Variants in USP47 observed in about 807,000 individuals in gnomAD.
The protein encoded by USP47 is ubiquitin specific peptidase 47, also known as ubiquitin carboxyl-terminal hydrolase 47.
A neutral mutation model predicts 165.1 loss-of-function variants in USP47; 35 were observed. That is an observed-to-expected ratio of 0.21 (90% CI 0.16 to 0.28). The LOEUF (loss-of-function observed/expected upper bound fraction) is 0.28. Among genes scored for constraint, USP47 ranks in the 10% least tolerant of loss-of-function variants. The pLI, the probability that USP47 is intolerant of heterozygous loss-of-function variation, is 1.00. For synonymous variants in USP47, 531 were observed against 544.5 expected (o/e 0.98, Z 0.35); for missense variants, 1,277 against 1,607.4 (o/e 0.79, Z 3.52).
At position 11,899,986 on chromosome 11, in the gene USP47, G is replaced by A. The variant is rs74466915; in HGVS notation, c.593+2293G>A. 5.1e-3 allele frequency among the ~76,000 whole-genome samples: 773 copies of A among 152,206 alleles called. 22 individuals carry two copies. In the East Asian group the frequency reaches 0.081, roughly 16 times the overall value. ...AGACTAGCCACAGAGTAGCACTAGCGTAAAAGGATAGACTATCTAGAGAGT... is the reference window on the plus strand; with the variant it reads ...AGACTAGCCACAGAGTAGCACTAGCATAAAAGGATAGACTATCTAGAGAGT... On this transcript the variant is annotated intron_variant, in intron 5 of 27. Transcript: ENST00000527733.
At chr11:11,863,590 T>C (rs1849501467) in intron 1 of USP47, among the ~76,000 whole-genome samples, 1 of 152,180 alleles carries the variant, frequency 6.6e-6, no homozygotes, top group Non-Finnish European at 1.5e-5. Flanking sequence ...CAATTATAAC[T>C]GTTCTTTAAT....
rs920188165 is a variant in USP47 at position 11,961,367 on chromosome 11, A to G, written c.*5192A>G. ...TTATCTAGGTGGGCGCAATTTGATC[A>G]CATGGGTCCCCAGAAGTGGAGAACC... is the stretch of plus-strand genomic sequence containing the variant. On this transcript the variant is annotated 3_prime_UTR_variant, in exon 28 of 28. Coordinates refer to ENST00000527733, the MANE Select transcript of USP47 (RefSeq NM_001282659.2). Among the ~76,000 whole-genome samples, 2 of 152,246 alleles carry G rather than the reference A, an allele frequency of 1.3e-5. No homozygotes were observed. The highest frequency in any genetic ancestry group is 2.9e-5 in the Non-Finnish European group (2 of 68,044).
chr11:11,882,910 A>G (rs1850921305), intron 2 of USP47, among the ~76,000 whole-genome samples: 1 of 152,092 alleles, frequency 6.6e-6, no homozygotes, highest in South Asian at 2.1e-4. Context: ...GTATGTCAGG[A>G]TTACCTGTTT....
At chr11:11,954,753 T>C (rs1190974575) in intron 25 of USP47, 144 bp from the exon 26 acceptor site, 1 of 857,728 alleles carries the variant, frequency 1.2e-6, no homozygotes, top group African/African-American at 1.7e-5. Flanking sequence ...ATTTGCAGGG[T>C]GGCCGCTTTC....
At chr11:11,873,872 T>C (rs2134261588) in intron 1 of USP47, 4 of 1,452,976 alleles carry the variant, frequency 2.8e-6, no homozygotes, top group East Asian at 2.6e-5. Context: ...AGACTGCTGA[T>C]GTAATTGCTT....
chr11:11,842,287 G>A, intron 1 of USP47, 63 bp downstream of exon 1: 3 of 1,523,666 alleles, frequency 2.0e-6, no homozygotes, highest in Non-Finnish European at 2.7e-6. Context: ...CACAGGCCCG[G>A]GCCGGGGTTC....
intron 11 of USP47, among the ~76,000 whole-genome samples, chr11:11,928,773 C>T (rs1181385923): frequency 2.0e-5 from 3 of 151,714 alleles, no homozygotes; most frequent in African/African-American, 7.3e-5. Context: ...TAAATGACCT[C>T]TTTTTTTTAA....
intron 8 of USP47, among the ~76,000 whole-genome samples, chr11:11,917,212 A>G (rs1256471096): frequency 6.6e-6 from 1 of 152,232 alleles, no homozygotes; most frequent in Non-Finnish European, 1.5e-5. Flanking sequence ...TCCTGCCAAC[A>G]GAGTAGCAAT....
chr11:11,877,185 T>C (rs2134282451), intron 1 of USP47, among the ~76,000 whole-genome samples: 1 of 152,162 alleles, frequency 6.6e-6, no homozygotes, highest in African/African-American at 2.4e-5. Context: ...TTATTGGTGG[T>C]ATCTTAAAAT....
In USP47 at chr11:11,880,299, T is replaced by C. The variant is rs906416290; in HGVS notation, c.162T>C (p.Phe54=). 67 of 1,414,692 alleles carry C rather than the reference T, an allele frequency of 4.7e-5. No homozygotes were observed. Among genetic ancestry groups the C allele is most frequent in the Non-Finnish European group, 5.7e-5 (62 of 1,093,550 alleles). The allele number at this position is 1,414,692 out of a possible 1,614,324, so 87.6% of individuals were successfully genotyped here. The part of the protein sequence containing the change: ...LPASTPVRKL[F]EDVANKVGYI... ...CATCTACTCCAGTCAGAAAGCTCTTTGAAGATGTGGCCAACAAAGTAGGCT... is the reference window on the plus strand; with the variant it reads ...CATCTACTCCAGTCAGAAAGCTCTTCGAAGATGTGGCCAACAAAGTAGGCT... The change falls in exon 2 of 28, where the codon TTT becomes TTC. Residue 54 remains phenylalanine, a synonymous_variant. Transcript: ENST00000527733.
intron 8 of USP47, among the ~76,000 whole-genome samples, chr11:11,916,567 T>TA (rs1368829780): frequency 2.6e-5 from 4 of 151,622 alleles, no homozygotes; most frequent in African/African-American, 9.7e-5. Context: ...AAGAATAAAT[T>TA]AAAAAATGCT....
chr11:11,886,013 G>C (rs955818215), intron 3 of USP47, among the ~76,000 whole-genome samples: 1 of 152,164 alleles, frequency 6.6e-6, no homozygotes, highest in Non-Finnish European at 1.5e-5. Flanking sequence ...AGAGTGGCCT[G>C]ACTGTTAAAA....
chr11:11,927,789 G>A (rs573249845), intron 11 of USP47, among the ~76,000 whole-genome samples: 63 of 152,068 alleles, frequency 4.1e-4, no homozygotes, highest in African/African-American at 1.4e-3. Context: ...GAAAATGTTA[G>A]GACACGTTTT....
chr11:11,948,356 A>G, intron 21 of USP47, 122 bp from the exon 22 acceptor site: 1 of 894,026 alleles, frequency 1.1e-6, no homozygotes, highest in Non-Finnish European at 1.7e-6. Context: ...CAGAGGTAAA[A>G]GATATGCCTG....
chr11:11,946,495 A>G (rs962735266), intron 20 of USP47, among the ~76,000 whole-genome samples: 3 of 152,232 alleles, frequency 2.0e-5, no homozygotes, highest in Admixed American at 6.5e-5. Flanking sequence ...TGTCACAACA[A>G]TGTTATATGT....
At chr11:11,869,316 T>C (rs1054057704) in intron 1 of USP47, among the ~76,000 whole-genome samples, 1 of 110,588 alleles carries the variant, frequency 9.0e-6, no homozygotes, top group Non-Finnish European at 2.2e-5. Context: ...AGGTTGAGAA[T>C]TTTTTTTTTT....
At chr11:11,875,984 C>G (rs1850390214) in intron 1 of USP47, among the ~76,000 whole-genome samples, 1 of 152,234 alleles carries the variant, frequency 6.6e-6, no homozygotes, top group Non-Finnish European at 1.5e-5. Context: ...AATGTAGCCA[C>G]AGAGCACTCT....
chr11:11,887,831 A>G (rs962834303), intron 3 of USP47, among the ~76,000 whole-genome samples: 4 of 152,178 alleles, frequency 2.6e-5, no homozygotes, highest in Non-Finnish European at 4.4e-5. Context: ...CAGAAGTAAA[A>G]CACTCCTCAG....
intron 3 of USP47, 104 bp downstream of exon 3, chr11:11,884,684 G>A: frequency 2.7e-6 from 2 of 741,974 alleles, no homozygotes; most frequent in Non-Finnish European, 4.4e-6. Context: ...TGTAATTTGT[G>A]TAATAAATTA....
Sources: gnomAD v4.1 joint callset for allele counts (sites outside exome capture counted in the v4.1 genomes callset) on GRCh38, gnomAD v4.1.1 for gene constraint, MANE v1.5 for transcripts, NCBI Gene and HGNC (gene_info 2026-07-23, HGNC 2026-07-21) for gene names.